The following ZDHHC15 variants were observed in gnomAD, a reference collection of about 807,000 sequenced individuals.
ZDHHC15 encodes zDHHC palmitoyltransferase 15.
A neutral mutation model predicts 31.7 loss-of-function variants in ZDHHC15; 19 were observed. That is an observed-to-expected ratio of 0.60 (90% confidence interval 0.42 to 0.88). ZDHHC15 has a LOEUF of 0.88. Among genes scored for constraint, ZDHHC15 ranks in the 40% least tolerant of loss-of-function variants. ZDHHC15 has a pLI of 0.00. For missense variants in ZDHHC15, 209 were observed against 251.2 expected (o/e 0.83, Z 1.14); for synonymous variants, 103 against 90.0 (o/e 1.14, Z -0.82).
intron 4 of ZDHHC15, among the ~76,000 whole-genome samples, chrX:75,434,529 G>A (rs1277079538): frequency 8.9e-6 from 1 of 111,954 alleles, no homozygotes; most frequent in African/African-American, 3.2e-5. Flanking sequence ...GGTGATAAAT[G>A]AGGATCCAGT....
chrX:75,383,735 G>GTTT (rs34663369), intron 10 of ZDHHC15, among the ~76,000 whole-genome samples: 8 of 86,606 alleles, frequency 9.2e-5, no homozygotes, highest in East Asian at 7.5e-4. Flanking sequence ...GAAATGTTAG[G>GTTT]TTTTTTTTTT....
chrX:75,515,158 T>C lies in ZDHHC15; in HGVS notation c.136+7731A>G, dbSNP rs954319021. On this transcript the variant is annotated intron_variant, in intron 1 of 11. Coordinates refer to ENST00000373367, the MANE Select transcript of ZDHHC15 (RefSeq NM_144969.3). ...TTCTACCAGAGGTACAAAGGGGAGC[T>C]GGTACCATTTCTTCTGAAACTACTC... Among the ~76,000 whole-genome samples, 7 of 111,337 alleles carry C rather than the reference T, an allele frequency of 6.3e-5. No homozygotes were observed. In the Admixed American group the frequency reaches 6.7e-4, roughly 11 times the overall value.
chrX:75,392,946 T>C (rs1255683945), intron 10 of ZDHHC15, among the ~76,000 whole-genome samples: 1 of 109,902 alleles, frequency 9.1e-6, no homozygotes, highest in Non-Finnish European at 1.9e-5. Flanking sequence ...TTTTTTTTTT[T>C]TCCTGATAAA....
At chrX:75,502,411 A>G (rs2085101710) in intron 2 of ZDHHC15, 1 of 112,047 alleles carries the variant, frequency 8.9e-6, no homozygotes, top group African/African-American at 3.2e-5. Flanking sequence ...GAGAGGACAC[A>G]AGTTGACCCA....
At chrX:75,439,213 G>A (rs183530762) in intron 4 of ZDHHC15, among the ~76,000 whole-genome samples, 27 of 111,668 alleles carry the variant, frequency 2.4e-4, no homozygotes, top group African/African-American at 8.1e-4. Context: ...AGCAAGGCCA[G>A]GGACATTTTC....
At chrX:75,454,984 C>G (rs1449412186) in intron 3 of ZDHHC15, among the ~76,000 whole-genome samples, 1 of 111,222 alleles carries the variant, frequency 9.0e-6, no homozygotes, top group Non-Finnish European at 1.9e-5. Flanking sequence ...ATCAAGCTAC[C>G]AATGACTTTC....
At chrX:75,432,570 T>C (rs1018457438) in intron 4 of ZDHHC15, among the ~76,000 whole-genome samples, 1 of 111,889 alleles carries the variant, frequency 8.9e-6, no homozygotes, top group Non-Finnish European at 1.9e-5. Flanking sequence ...TATCCTCATT[T>C]AAGCCACATT....
At chrX:75,397,716 T>C (rs901357423) in intron 10 of ZDHHC15, among the ~76,000 whole-genome samples, 1 of 110,565 alleles carries the variant, frequency 9.0e-6, no homozygotes, top group African/African-American at 3.3e-5. Context: ...GGTACTCACA[T>C]TGGGATTAAT....
chrX:75,482,849 C>T (rs1443241499), intron 2 of ZDHHC15, among the ~76,000 whole-genome samples: 1 of 109,561 alleles, frequency 9.1e-6, no homozygotes, highest in East Asian at 2.9e-4. Flanking sequence ...GTTGAAGTGT[C>T]GTGCAAAATC....
intron 10 of ZDHHC15, among the ~76,000 whole-genome samples, chrX:75,411,150 G>A (rs1203726420): frequency 7.2e-5 from 8 of 111,602 alleles, no homozygotes; most frequent in Non-Finnish European, 1.3e-4. Context: ...AATTCGATAG[G>A]AGAAATAAGA....
At chrX:75,476,835 T>C (rs1490458446) in intron 3 of ZDHHC15, among the ~76,000 whole-genome samples, 2 of 108,862 alleles carry the variant, frequency 1.8e-5, no homozygotes, top group Non-Finnish European at 3.8e-5. Context: ...TAACCCTCAG[T>C]TTTGGTTTTG....
chrX:75,434,209 T>G (rs974801915), intron 4 of ZDHHC15, among the ~76,000 whole-genome samples: 2 of 111,798 alleles, frequency 1.8e-5, no homozygotes, highest in African/African-American at 6.5e-5. Context: ...GCTGATTTGT[T>G]TGGGTTCCTT....
chrX:75,516,148 G>T (rs1387137020), intron 1 of ZDHHC15, among the ~76,000 whole-genome samples: 1 of 111,723 alleles, frequency 9.0e-6, no homozygotes, highest in Admixed American at 9.5e-5. Context: ...TCATGAAAAT[G>T]GCCATACTGC....
chrX:75,473,391 C>T (rs896623137), intron 3 of ZDHHC15, among the ~76,000 whole-genome samples: 1 of 111,204 alleles, frequency 9.0e-6, no homozygotes, highest in Admixed American at 9.6e-5. Flanking sequence ...ACTATCACCC[C>T]TAGTGATCCA....
intron 10 of ZDHHC15, among the ~76,000 whole-genome samples, chrX:75,416,441 A>G (rs1186020675): frequency 8.9e-6 from 1 of 112,134 alleles, no homozygotes; most frequent in Non-Finnish European, 1.9e-5. Context: ...TGTTGGAGAC[A>G]CAAAAGTAGG....
chrX:75,455,753 C>G (rs1391029831), intron 3 of ZDHHC15, among the ~76,000 whole-genome samples: 7 of 112,137 alleles, frequency 6.2e-5, no homozygotes, highest in Non-Finnish European at 1.1e-4. Flanking sequence ...GCCAAAGACA[C>G]ATGAAAAAAT....
intron 1 of ZDHHC15, among the ~76,000 whole-genome samples, chrX:75,510,313 C>T (rs1372353512): frequency 9.0e-6 from 1 of 110,771 alleles, no homozygotes; most frequent in Non-Finnish European, 1.9e-5. Flanking sequence ...TTATATTAGG[C>T]ATTTGTTACA....
At chrX:75,455,963 G>C (rs1241937755) in intron 3 of ZDHHC15, among the ~76,000 whole-genome samples, 1 of 111,140 alleles carries the variant, frequency 9.0e-6, no homozygotes, top group Non-Finnish European at 1.9e-5. Context: ...CAAGGATCTA[G>C]AATTAGAAAT....
chrX:75,417,591 C>A (rs192885349), intron 9 of ZDHHC15, among the ~76,000 whole-genome samples: 154 of 111,994 alleles, frequency 1.4e-3, no homozygotes, highest in African/African-American at 4.9e-3. Flanking sequence ...TGGAGATAAG[C>A]TGGTGTGAAT....
Sources: gnomAD v4.1 joint callset for allele counts (sites outside exome capture counted in the v4.1 genomes callset) on GRCh38, gnomAD v4.1.1 for gene constraint, MANE v1.5 for transcripts, NCBI Gene and HGNC (gene_info 2026-07-23, HGNC 2026-07-21) for gene names.